FSTL4: variants seen among roughly 807,000 people sequenced by gnomAD.
The protein encoded by FSTL4 is follistatin-related protein 4.
In FSTL4, 28 loss-of-function variants were observed where a neutral mutation model predicts 78.2. The observed-to-expected ratio is 0.36, with a 90% confidence interval of 0.27 to 0.49. FSTL4 has a LOEUF of 0.49. FSTL4 is among the 20% of genes least tolerant of loss of function. The pLI, the probability that FSTL4 is intolerant of heterozygous loss-of-function variation, is 0.98. For synonymous variants in FSTL4, 422 were observed against 440.5 expected (o/e 0.96, Z 0.53); for missense variants, 922 against 1,084.9 (o/e 0.85, Z 2.11).
intron 15 of FSTL4, among the ~76,000 whole-genome samples, chr5:133,201,585 C>A (rs1750322051): frequency 6.6e-6 from 1 of 152,206 alleles, no homozygotes; most frequent in Admixed American, 6.5e-5. Context: ...ACCACTGGGA[C>A]TAGATTTTTG....
chr5:133,225,624 T>A lies in FSTL4; in HGVS notation c.1177+34A>T. On this transcript the variant is annotated intron_variant, in intron 9 of 15. Coordinates refer to ENST00000265342, the MANE Select transcript of FSTL4 (RefSeq NM_015082.2). This position sits in a 1 kb window ranked among gnomAD's most constrained non-coding sequence, Gnocchi z 4.6. ...AGTCTCAGCTTGATTTGAATGGGAATATCGCATAGACGTCTACCAAGGGCA... is the reference window on the plus strand; with the variant it reads ...AGTCTCAGCTTGATTTGAATGGGAAAATCGCATAGACGTCTACCAAGGGCA... The A allele has an allele frequency of 6.6e-7, 1 of 1,506,848 alleles. No individual in the cohort carries two copies. The allele number at this position is 1,506,848 out of a possible 1,614,324, so 93.3% of individuals were successfully genotyped here. A position where few individuals can be genotyped will look rare whatever the true frequency, so the allele number is the denominator to read the frequency against.
chr5:133,277,101 C>T (rs773579358), intron 6 of FSTL4, among the ~76,000 whole-genome samples: 10 of 152,134 alleles, frequency 6.6e-5, no homozygotes, highest in East Asian at 3.8e-4. Context: ...CACCTGAGGT[C>T]GGGAGTTTGA....
At chr5:133,525,176 A>G (rs1444390476) in intron 3 of FSTL4, among the ~76,000 whole-genome samples, 1 of 152,182 alleles carries the variant, frequency 6.6e-6, no homozygotes, top group Non-Finnish European at 1.5e-5. Context: ...AGAAATGCAA[A>G]TGACCCTTGG....
the FSTL4 span, among the ~76,000 whole-genome samples, chr5:133,670,459 TG>T: frequency 1.3e-5 from 2 of 152,216 alleles, no homozygotes; most frequent in African/African-American, 2.4e-5. Flanking sequence ...GTGGACACAC[TG>T]GACTGGGGCA....
chr5:133,493,931 C>A (rs1224504926), intron 3 of FSTL4, among the ~76,000 whole-genome samples: 2 of 152,160 alleles, frequency 1.3e-5, no homozygotes, highest in Non-Finnish European at 2.9e-5. Flanking sequence ...TCTTCTGAGA[C>A]AGAAACCAGC....
chr5:133,589,789 G>T (rs1314019459), intron 2 of FSTL4, among the ~76,000 whole-genome samples: 1 of 152,006 alleles, frequency 6.6e-6, no homozygotes, highest in Non-Finnish European at 1.5e-5. Context: ...TATGTCCTTG[G>T]GGATAAGAGC....
rs372934197 is a variant in FSTL4 at position 133,207,647 on chromosome 5, TTTTG to T, written c.1716+2540_1716+2543del. ...CTCCCCCTTTCTGCATACTCCCTACTTTTGTTTATTTTTTGAAACAGGGTCTCAC... is the reference window on the plus strand; with the variant it reads ...CTCCCCCTTTCTGCATACTCCCTACTTTTATTTTTTGAAACAGGGTCTCAC... On this transcript the variant is annotated intron_variant, in intron 14 of 15. Transcript: ENST00000265342. Among the ~76,000 whole-genome samples, 238 of 152,128 alleles carry T rather than the reference TTTTG, an allele frequency of 1.6e-3. 1 individual carries two copies. The highest frequency in any genetic ancestry group is 3.4e-3 in the Middle Eastern group (1 of 294).
chr5:133,417,212 A>C (rs1238292386), intron 3 of FSTL4, among the ~76,000 whole-genome samples: 1 of 152,254 alleles, frequency 6.6e-6, no homozygotes, highest in Non-Finnish European at 1.5e-5. Context: ...TGATATATAC[A>C]ACATCTGAAA....
At chr5:133,284,032 A>G (rs979226919) in intron 6 of FSTL4, among the ~76,000 whole-genome samples, 1 of 152,220 alleles carries the variant, frequency 6.6e-6, no homozygotes, top group Non-Finnish European at 1.5e-5. Context: ...CCCATGATCC[A>G]ATCACCTCCC....
chr5:133,432,714 G>A (rs1188824837), intron 3 of FSTL4, among the ~76,000 whole-genome samples: 1 of 152,200 alleles, frequency 6.6e-6, no homozygotes, highest in Non-Finnish European at 1.5e-5. Context: ...CCAGTGTCAA[G>A]TGGAAACCTA....
the FSTL4 span, among the ~76,000 whole-genome samples, chr5:133,747,040 T>C: frequency 2.8e-4 from 42 of 152,252 alleles, no homozygotes; most frequent in Middle Eastern, 3.4e-3. Context: ...TGAGGGGAGA[T>C]GAGAAGCTTC....
At chr5:133,248,992 G>A (rs1752128421) in intron 7 of FSTL4, among the ~76,000 whole-genome samples, 1 of 152,138 alleles carries the variant, frequency 6.6e-6, no homozygotes, top group Non-Finnish European at 1.5e-5. Flanking sequence ...CAGCACTAGG[G>A]CCCAGAACCT....
intron 6 of FSTL4, among the ~76,000 whole-genome samples, chr5:133,276,440 C>T (rs1752886589): frequency 1.3e-5 from 2 of 152,196 alleles, no homozygotes; most frequent in South Asian, 4.1e-4. Context: ...CCCAGGGAGC[C>T]CTTAGCCTTA....
At position 133,463,606 on chromosome 5, in the gene FSTL4, C is replaced by T. The variant is rs544769692; in HGVS notation, c.161-62620G>A. On this transcript the variant is annotated intron_variant, in intron 3 of 15. Coordinates refer to ENST00000265342, the MANE Select transcript of FSTL4 (RefSeq NM_015082.2). The stretch of plus-strand genomic sequence containing the variant: ...GGTCTGTTCCCTAAAGCACACTCTC[C>T]TCCCTCATCTTTTCCTGGCTTCTCA... Among the ~76,000 whole-genome samples the T allele has an allele frequency of 4.6e-5, 7 of 152,364 alleles. No individual in the cohort carries two copies. In the East Asian group the frequency reaches 1.3e-3, roughly 29 times the overall value.
the FSTL4 span, among the ~76,000 whole-genome samples, chr5:133,746,246 C>T: frequency 2.6e-5 from 4 of 152,174 alleles, no homozygotes; most frequent in Non-Finnish European, 4.4e-5. Flanking sequence ...CAATATATTA[C>T]TCTGAAGATC....
At chr5:133,349,295 C>CTGTGTGTGTGTGTGTGTGTGTG (rs1554107119) in intron 4 of FSTL4, among the ~76,000 whole-genome samples, 2 of 139,772 alleles carry the variant, frequency 1.4e-5, no homozygotes, top group Non-Finnish European at 3.1e-5. Flanking sequence ...GCCTCTCTCT[C>CTGTGTGTGTGTGTGTGTGTGTG]TGTGTGTGTG....
intron 3 of FSTL4, among the ~76,000 whole-genome samples, chr5:133,526,726 G>A (rs577234648): frequency 6.6e-6 from 1 of 152,266 alleles, no homozygotes; most frequent in African/African-American, 2.4e-5. Flanking sequence ...GGGAGCTGGG[G>A]ATGAGGACTT....
intron 4 of FSTL4, among the ~76,000 whole-genome samples, chr5:133,386,339 T>C (rs764113661): frequency 3.9e-5 from 6 of 152,220 alleles, no homozygotes; most frequent in Non-Finnish European, 7.3e-5. Flanking sequence ...CGTGGGGCTA[T>C]AGCCACAGGA....
At chr5:133,692,242 A>C in the FSTL4 span, among the ~76,000 whole-genome samples, 1 of 152,168 alleles carries the variant, frequency 6.6e-6, no homozygotes, top group African/African-American at 2.4e-5. Context: ...TGAGGACAGC[A>C]TGAGTAGGGC....
Sources: allele counts gnomAD v4.1 joint callset (sites outside exome capture counted in the v4.1 genomes callset), GRCh38; gene constraint gnomAD v4.1.1; non-coding constraint Gnocchi (gnomAD v3.1); transcripts MANE v1.5; gene names NCBI Gene and HGNC (gene_info 2026-07-23, HGNC 2026-07-21).